Variants in NAALADL2 observed in about 807,000 individuals in gnomAD.
NAALADL2 encodes the protein inactive N-acetylated-alpha-linked acidic dipeptidase-like protein 2.
In NAALADL2, 76 loss-of-function variants were observed where a neutral mutation model predicts 87.2. The observed-to-expected ratio is 0.87, with a 90% CI of 0.72 to 1.05. NAALADL2 has a LOEUF of 1.05. Ranked by LOEUF, NAALADL2 falls within the 50% of genes least tolerant of loss-of-function variation. The pLI is 0.00. For synonymous variants in NAALADL2, 354 were observed against 331.0 expected (o/e 1.07, Z -0.75); for missense variants, 1,089 against 945.8 (o/e 1.15, Z -1.99).
intron 10 of NAALADL2, among the ~76,000 whole-genome samples, chr3:175,615,990 CAT>C (rs1333609194): frequency 2.1e-5 from 3 of 145,568 alleles, no homozygotes; most frequent in African/African-American, 5.0e-5. Flanking sequence ...TATATTATAT[CAT>C]ATATACATAA....
At chr3:175,629,185 A>T (rs1727419613) in intron 11 of NAALADL2, among the ~76,000 whole-genome samples, 1 of 148,428 alleles carries the variant, frequency 6.7e-6, no homozygotes, top group African/African-American at 2.5e-5. Flanking sequence ...ACATACACAC[A>T]TAAAAACATG....
chr3:175,745,300 G>A (rs763480552), intron 12 of NAALADL2, among the ~76,000 whole-genome samples: 52 of 152,246 alleles, frequency 3.4e-4, no homozygotes, highest in Middle Eastern at 6.8e-3. Flanking sequence ...TTTATTTGTG[G>A]TATATGGAGA....
At chr3:175,356,576 A>AAATAATAATAATAAT (rs377522672) in intron 5 of NAALADL2, among the ~76,000 whole-genome samples, 12,624 of 131,530 alleles carry the variant, frequency 0.096, 671 homozygotes, top group East Asian at 0.18. Flanking sequence ...CCCTGTGTCA[A>AAATAATAATAATAAT]AATAATAATA....
chr3:174,702,282 G>C (rs1321766974), intron 2 of NAALADL2, among the ~76,000 whole-genome samples: 2 of 152,010 alleles, frequency 1.3e-5, no homozygotes, highest in African/African-American at 4.8e-5. Context: ...TGGTGGCTTA[G>C]TATCAGATAT....
rs372382902 is a variant in NAALADL2, at chr3:175,494,925, T to C, written c.1653+23167T>C. Among the ~76,000 whole-genome samples the C allele has an allele frequency of 2.7e-4, 41 of 151,996 alleles. No homozygotes were observed. In the East Asian group the frequency reaches 7.2e-3, roughly 27 times the overall value. On this transcript the variant is annotated intron_variant, in intron 9 of 13. Transcript: ENST00000454872. ...ACTGACTTCTCCAAATTCCTTATTTTTTCAAGATTTGCAGTATTTTCTCTC... is the reference window on the plus strand; with the variant it reads ...ACTGACTTCTCCAAATTCCTTATTTCTTCAAGATTTGCAGTATTTTCTCTC...
chr3:175,717,154 A>G (rs1482873007), intron 11 of NAALADL2, among the ~76,000 whole-genome samples: 1 of 152,152 alleles, frequency 6.6e-6, no homozygotes, highest in Non-Finnish European at 1.5e-5. Flanking sequence ...AAAGACGAGT[A>G]TCTTGGCCTC....
At chr3:174,679,239 T>C (rs1430549086) in intron 2 of NAALADL2, among the ~76,000 whole-genome samples, 1 of 152,194 alleles carries the variant, frequency 6.6e-6, no homozygotes, top group African/African-American at 2.4e-5. Context: ...CTTGTCTCTC[T>C]GTGCACTACA....
At position 174,511,467 on chromosome 3, in the gene NAALADL2, A is replaced by G. The variant is rs532580710; in HGVS notation, c.-183-39102A>G. On this transcript the variant is annotated intron_variant, in intron 1 of 3. Transcript: ENST00000434257. ...CTCAGAACTTCTTTTCTGATTTAAT[A>G]TGGAAATTCCAGCTTTCTTTTGGTT... Among the ~76,000 whole-genome samples the G allele has an allele frequency of 3.3e-5, 5 of 152,116 alleles. No individual in the cohort carries two copies. In the East Asian group the frequency reaches 9.7e-4, roughly 29 times the overall value.
At chr3:175,781,266 A>T (rs1751025768) in intron 13 of NAALADL2, among the ~76,000 whole-genome samples, 1 of 152,202 alleles carries the variant, frequency 6.6e-6, no homozygotes, top group Non-Finnish European at 1.5e-5. Context: ...ACACAAAAGC[A>T]AATCTATGTT....
chr3:175,365,715 G>A (rs1165576354), intron 5 of NAALADL2, among the ~76,000 whole-genome samples: 1 of 146,960 alleles, frequency 6.8e-6, no homozygotes, highest in Non-Finnish European at 1.5e-5. Context: ...AAAAATCTGA[G>A]ATACATAGGA....
At chr3:175,654,441 G>T (rs1731183856) in intron 11 of NAALADL2, among the ~76,000 whole-genome samples, 1 of 152,020 alleles carries the variant, frequency 6.6e-6, no homozygotes, top group African/African-American at 2.4e-5. Context: ...ACGGTCCTTT[G>T]CTGGCATCAA....
At chr3:175,218,268 A>G (rs1194739348) in intron 2 of NAALADL2, 3 of 260,184 alleles carry the variant, frequency 1.2e-5, no homozygotes, top group Non-Finnish European at 2.3e-5. Flanking sequence ...GGTTATATAC[A>G]AAAGAAATAT....
chr3:175,291,391 T>A (rs1274127080), intron 4 of NAALADL2, among the ~76,000 whole-genome samples: 3 of 152,206 alleles, frequency 2.0e-5, no homozygotes, highest in Non-Finnish European at 4.4e-5. Context: ...AATAGGTTTA[T>A]CTTGTGGTTT....
chr3:175,416,721 G>C (rs376351459), intron 5 of NAALADL2, among the ~76,000 whole-genome samples: 13 of 151,994 alleles, frequency 8.6e-5, no homozygotes, highest in African/African-American at 3.1e-4. Context: ...AGCCCTTAAG[G>C]CTCTTTTCTA....
chr3:175,787,215 C>A (rs3119999), intron 13 of NAALADL2, among the ~76,000 whole-genome samples: 3 of 151,022 alleles, frequency 2.0e-5, no homozygotes, highest in Non-Finnish European at 4.4e-5. Flanking sequence ...GCAGGCAGGC[C>A]TCCTTGAGCT....
intron 1 of NAALADL2, among the ~76,000 whole-genome samples, chr3:174,500,640 C>T (rs1169089693): frequency 6.6e-6 from 1 of 152,092 alleles, no homozygotes; most frequent in East Asian, 1.9e-4. Flanking sequence ...CTATTCCTAT[C>T]CTTCTATTCC....
chr3:175,754,194 A>G (rs980469306), intron 12 of NAALADL2, among the ~76,000 whole-genome samples: 10 of 152,152 alleles, frequency 6.6e-5, no homozygotes, highest in African/African-American at 2.4e-4. Flanking sequence ...CTCATAATAA[A>G]TCTATGAAGC....
intron 3 of NAALADL2, among the ~76,000 whole-genome samples, chr3:175,255,715 A>AT (rs552983726): frequency 1.3e-5 from 2 of 152,200 alleles, no homozygotes; most frequent in Non-Finnish European, 2.9e-5. Context: ...AAGGCATGAG[A>AT]TTTTTTCTTT....
intron 1 of NAALADL2, among the ~76,000 whole-genome samples, chr3:174,462,127 G>T (rs1273237736): frequency 6.6e-6 from 1 of 151,836 alleles, no homozygotes; most frequent in South Asian, 2.1e-4. Flanking sequence ...CAGAAAGAAT[G>T]AGAAGATTAG....
Sources: allele counts gnomAD v4.1 joint callset (sites outside exome capture counted in the v4.1 genomes callset), GRCh38; gene constraint gnomAD v4.1.1; transcripts MANE v1.5; gene names NCBI Gene and HGNC (gene_info 2026-07-23, HGNC 2026-07-21).